The following DIAPH3 variants were observed in gnomAD, a reference collection of about 807,000 sequenced individuals.
The protein encoded by DIAPH3 is protein diaphanous homolog 3.
DIAPH3 carries 117 observed loss-of-function variants against 144.3 expected under a neutral mutation model. The observed-to-expected ratio is 0.81, with a 90% confidence interval of 0.70 to 0.95. The LOEUF (loss-of-function observed/expected upper bound fraction) is 0.95. Among genes scored for constraint, DIAPH3 ranks in the 40% least tolerant of loss-of-function variants. The pLI is 0.00. For synonymous variants in DIAPH3, 519 were observed against 488.9 expected, an observed-to-expected ratio of 1.06 and a Z score of -0.81; for missense variants, 1,421 against 1,412.7, an observed-to-expected ratio of 1.01 and a Z score of -0.09.
At chr13:59,810,428 C>G (rs574589819) in intron 25 of DIAPH3, among the ~76,000 whole-genome samples, 1 of 152,092 alleles carries the variant, frequency 6.6e-6, no homozygotes, top group African/African-American at 2.4e-5. Context: ...TTGAAGAAAC[C>G]GGGTTACATG....
At chr13:59,679,236 T>A (rs2032806218) in intron 27 of DIAPH3, among the ~76,000 whole-genome samples, 1 of 152,248 alleles carries the variant, frequency 6.6e-6, no homozygotes, top group African/African-American at 2.4e-5. Flanking sequence ...GTTTGATTCC[T>A]ATGAAACCCC....
At chr13:59,993,006 G>C (rs187778150) in intron 9 of DIAPH3, among the ~76,000 whole-genome samples, 1 of 151,868 alleles carries the variant, frequency 6.6e-6, no homozygotes, top group African/African-American at 2.4e-5. Flanking sequence ...TTCATCAAGA[G>C]AGACTCAAAG....
At position 60,149,825 on chromosome 13, in the gene DIAPH3, T is replaced by C. The variant is rs374299690; in HGVS notation, c.180+13762A>G. Among the ~76,000 whole-genome samples, 26 of 151,760 alleles carry C rather than the reference T, an allele frequency of 1.7e-4. No homozygotes were observed. The East Asian group carries it at 3.3e-3, about 19-fold the overall frequency. On this transcript the variant is annotated intron_variant, in intron 1 of 27. Transcript: ENST00000400324. ...GCAGCCCTTGGGGCTGCTCTGCCTA[T>C]GGAGTAGCCATCTTTTGTTTCTTTA... is the stretch of plus-strand genomic sequence containing the variant.
At chr13:59,914,008 C>T (rs1401765102) in intron 19 of DIAPH3, among the ~76,000 whole-genome samples, 2 of 151,504 alleles carry the variant, frequency 1.3e-5, no homozygotes, top group African/African-American at 4.8e-5. Flanking sequence ...TAATACAATG[C>T]CCTGGACATG....
chr13:60,042,369 C>T (rs904243817), intron 5 of DIAPH3, among the ~76,000 whole-genome samples: 1 of 152,084 alleles, frequency 6.6e-6, no homozygotes, highest in African/African-American at 2.4e-5. Context: ...AGTAAATATA[C>T]AATGACAAAA....
chr13:59,871,583 C>T (rs1277501631), intron 21 of DIAPH3, among the ~76,000 whole-genome samples: 1 of 152,112 alleles, frequency 6.6e-6, no homozygotes, highest in Non-Finnish European at 1.5e-5. Context: ...TGATAGATTA[C>T]ATTAATGGAT....
At chr13:59,788,681 G>A (rs1405555759) in intron 25 of DIAPH3, among the ~76,000 whole-genome samples, 2 of 152,078 alleles carry the variant, frequency 1.3e-5, no homozygotes, top group East Asian at 3.9e-4. Context: ...ATTTTGTACT[G>A]TCAAAAAATG....
chr13:59,813,788 C>A (rs779943890), intron 24 of DIAPH3, among the ~76,000 whole-genome samples: 2 of 142,340 alleles, frequency 1.4e-5, no homozygotes, highest in African/African-American at 5.2e-5. Context: ...GGGATGCAGG[C>A]GGCAGAGGTT....
intron 25 of DIAPH3, among the ~76,000 whole-genome samples, chr13:59,775,556 T>A (rs2038368473): frequency 6.6e-6 from 1 of 152,198 alleles, no homozygotes; most frequent in Non-Finnish European, 1.5e-5. Context: ...AGAGTGTTTT[T>A]GTTGTTACTG....
chr13:60,013,974 C>T (rs2053455060), intron 7 of DIAPH3, among the ~76,000 whole-genome samples: 1 of 152,034 alleles, frequency 6.6e-6, no homozygotes, highest in Admixed American at 6.5e-5. Flanking sequence ...TATTTTATAG[C>T]TCCATGTATA....
chr13:59,949,313 C>A (rs545379533), intron 17 of DIAPH3, among the ~76,000 whole-genome samples: 38 of 152,232 alleles, frequency 2.5e-4, no homozygotes, highest in African/African-American at 8.9e-4. Flanking sequence ...AAGACAATGG[C>A]CTCCCATGAA....
intron 17 of DIAPH3, among the ~76,000 whole-genome samples, chr13:59,961,647 A>G (rs1450880568): frequency 6.6e-6 from 1 of 152,226 alleles, no homozygotes; most frequent in Non-Finnish European, 1.5e-5. Context: ...TAAATAAAAC[A>G]TAATAGGATT....
At chr13:59,744,203 T>C (rs984304735) in intron 27 of DIAPH3, among the ~76,000 whole-genome samples, 1 of 152,180 alleles carries the variant, frequency 6.6e-6, no homozygotes, top group African/African-American at 2.4e-5. Context: ...TTAATGATGG[T>C]TATGAATTAA....
rs1445162951 is a variant in DIAPH3 at position 60,060,454 on chromosome 13, A to G, written c.496-17634T>C. Among the ~76,000 whole-genome samples the G allele has an allele frequency of 3.3e-5, 5 of 152,102 alleles. No individual in the cohort carries two copies. The East Asian group carries it at 9.6e-4, about 29-fold the overall frequency. On this transcript the variant is annotated intron_variant, in intron 4 of 27. Transcript: ENST00000400324. ...AAGCAAATATTCTCTTTTATGATTA[A>G]CAGTTTTTAAAGCTGTGCAGTTTAT...
chr13:59,928,568 G>A (rs1329165720), intron 17 of DIAPH3, among the ~76,000 whole-genome samples: 1 of 152,098 alleles, frequency 6.6e-6, no homozygotes, highest in Non-Finnish European at 1.5e-5. Flanking sequence ...TGTATTTACA[G>A]CATCGATTAA....
chr13:59,890,204 A>G (rs2045702219), intron 20 of DIAPH3, among the ~76,000 whole-genome samples: 1 of 152,074 alleles, frequency 6.6e-6, no homozygotes, highest in Non-Finnish European at 1.5e-5. Flanking sequence ...TCCTTTCTGC[A>G]CAATTCCTTC....
At chr13:59,759,318 C>CCCGGGGG (rs1173671010) in intron 27 of DIAPH3, among the ~76,000 whole-genome samples, 2 of 152,078 alleles carry the variant, frequency 1.3e-5, no homozygotes, top group Admixed American at 6.6e-5. Context: ...ACAGAAACTA[C>CCCGGGGG]CACAAGGAGA....
chr13:60,059,174 T>G (rs1430049920), intron 4 of DIAPH3, among the ~76,000 whole-genome samples: 1 of 150,454 alleles, frequency 6.6e-6, no homozygotes, highest in Non-Finnish European at 1.5e-5. Context: ...ATTTATAAAA[T>G]AGAAAAAAAA....
At chr13:60,026,504 G>A (rs998642037) in intron 5 of DIAPH3, among the ~76,000 whole-genome samples, 16 of 152,024 alleles carry the variant, frequency 1.1e-4, no homozygotes, top group Middle Eastern at 6.8e-3. Context: ...GGAAGACAAC[G>A]CATTATGAGT....
Sources: allele counts gnomAD v4.1 joint callset (sites outside exome capture counted in the v4.1 genomes callset), GRCh38; gene constraint gnomAD v4.1.1; transcripts MANE v1.5; gene names NCBI Gene and HGNC (gene_info 2026-07-23, HGNC 2026-07-21).